SLC38A9: variants seen among roughly 807,000 people sequenced by gnomAD.
SLC38A9 encodes solute carrier family 38 member 9.
Under a neutral mutation model 62.3 loss-of-function variants are expected in SLC38A9, and 48 were observed. The observed-to-expected ratio is 0.77, with a 90% confidence interval of 0.61 to 0.98. The LOEUF (loss-of-function observed/expected upper bound fraction) is 0.98. SLC38A9 is among the 50% of genes least tolerant of loss of function. The pLI is 0.00. For missense variants in SLC38A9, 541 were observed against 679.8 expected, an observed-to-expected ratio of 0.80 and a Z score of 2.27; for synonymous variants, 204 against 227.7, an observed-to-expected ratio of 0.90 and a Z score of 0.94.
intron 11 of SLC38A9, among the ~76,000 whole-genome samples, chr5:55,648,109 C>A (rs11744393): frequency 6.6e-6 from 1 of 151,606 alleles, no homozygotes; most frequent in South Asian, 2.1e-4. Flanking sequence ...CATGGTGGTG[C>A]GTGCCTGTAA....
At chr5:55,664,042 C>T (rs1250208583) in intron 8 of SLC38A9, among the ~76,000 whole-genome samples, 2 of 151,612 alleles carry the variant, frequency 1.3e-5, no homozygotes, top group Non-Finnish European at 1.5e-5. Flanking sequence ...GGTACAGTGG[C>T]GTGAGTCTGT....
At chr5:55,673,127 G>C (rs546010552) in intron 3 of SLC38A9, among the ~76,000 whole-genome samples, 1 of 152,090 alleles carries the variant, frequency 6.6e-6, no homozygotes. Flanking sequence ...CTTCCTTATG[G>C]GCCCAAGTTA....
chr5:55,694,726 G>A (rs1336643775), intron 3 of SLC38A9, among the ~76,000 whole-genome samples: 2 of 25,074 alleles, frequency 8.0e-5, no homozygotes, highest in Admixed American at 4.0e-4. Context: ...CCTCCCCTCC[G>A]CTCCCCACCC....
chr5:55,684,906 G>A (rs1237326022), intron 3 of SLC38A9, among the ~76,000 whole-genome samples: 2 of 152,022 alleles, frequency 1.3e-5, no homozygotes, highest in Non-Finnish European at 1.5e-5. Flanking sequence ...CACCTGCCTT[G>A]GCCTTCCAAG....
chr5:55,646,256 C>T (rs6450332), intron 11 of SLC38A9, among the ~76,000 whole-genome samples: 13 of 151,884 alleles, frequency 8.6e-5, no homozygotes, highest in Admixed American at 7.2e-4. Context: ...CTGTAATCCC[C>T]GCTACTTGGG....
At chr5:55,681,422 A>G (rs1752984447) in intron 3 of SLC38A9, among the ~76,000 whole-genome samples, 1 of 152,142 alleles carries the variant, frequency 6.6e-6, no homozygotes, top group South Asian at 2.1e-4. Flanking sequence ...TTATCATACC[A>G]CTTTTTACTA....
chr5:55,691,706 C>T (rs893478058), intron 3 of SLC38A9, among the ~76,000 whole-genome samples: 1 of 152,172 alleles, frequency 6.6e-6, no homozygotes, highest in Non-Finnish European at 1.5e-5. Flanking sequence ...TGGAATGTAG[C>T]ACATATATCA....
chr5:55,665,131 G>C (rs1750248229), intron 7 of SLC38A9: 2 of 190,524 alleles, frequency 1.0e-5, no homozygotes, highest in African/African-American at 4.7e-5. Context: ...ACTAAGGTTA[G>C]ACAAATGCAT....
intron 4 of SLC38A9, 99 bp downstream of exon 4, chr5:55,672,464 G>T: frequency 7.3e-7 from 1 of 1,364,770 alleles, no homozygotes; most frequent in Non-Finnish European, 1.0e-6. Flanking sequence ...TTGAAATACA[G>T]TCAGAAAGAA....
intron 6 of SLC38A9, 50 bp from the exon 7 acceptor site, chr5:55,669,371 A>C (rs1750932983): frequency 6.8e-7 from 1 of 1,477,554 alleles, no homozygotes; most frequent in South Asian, 1.2e-5. Flanking sequence ...TGTAAGCATA[A>C]ATTCATATGC....
chr5:55,635,676 A>G lies in SLC38A9; in HGVS notation c.1168-19T>C. Reference sequence around the variant, plus strand: ...CCCTCACCTGTAAATACAGAACAAAAGTCCCATAATACTGAAGAACCTTGT... The same window carrying G: ...CCCTCACCTGTAAATACAGAACAAAGGTCCCATAATACTGAAGAACCTTGT... On this transcript the variant is annotated intron_variant, in intron 12 of 15. Transcript: ENST00000396865. The G allele has an allele frequency of 6.5e-7, 1 of 1,532,036 alleles. No individual in the cohort carries two copies. The highest frequency in any genetic ancestry group is 2.3e-5 in the East Asian group (1 of 44,416). The allele number at this position is 1,532,036 out of a possible 1,614,324, so 94.9% of individuals were successfully genotyped here. A position where few individuals can be genotyped will look rare whatever the true frequency, so the allele number is the denominator to read the frequency against.
intron 12 of SLC38A9, among the ~76,000 whole-genome samples, chr5:55,638,339 C>T (rs528433386): frequency 8.6e-5 from 13 of 152,044 alleles, no homozygotes; most frequent in African/African-American, 3.1e-4. Context: ...TTTAATGGAA[C>T]AGGATAGAAA....
chr5:55,693,643 C>A (rs1163088669), intron 3 of SLC38A9, among the ~76,000 whole-genome samples: 1 of 152,166 alleles, frequency 6.6e-6, no homozygotes, highest in Non-Finnish European at 1.5e-5. Flanking sequence ...TCTTCAGAGT[C>A]TTCCCAATGA....
At chr5:55,671,886 G>A (rs1164586999) in intron 4 of SLC38A9, among the ~76,000 whole-genome samples, 1 of 152,084 alleles carries the variant, frequency 6.6e-6, no homozygotes, top group African/African-American at 2.4e-5. Flanking sequence ...TGCTCAGTCT[G>A]GGTGGGATGC....
Position 55,645,959 on chromosome 5 carries a change from A to G in SLC38A9, c.1061-64T>C, listed in dbSNP as rs889345133. The G allele has an allele frequency of 5.1e-6, 5 of 988,686 alleles. No individual in the cohort carries two copies. In the African/African-American group the frequency reaches 8.2e-5, roughly 16 times the overall value. 61.2% of individuals were successfully genotyped at this position (988,686 alleles called of 1,614,324 possible). ...ATTAGAAAATGAGTATTGGTAGCCA[A>G]AAGTTGACTACTAAAAATCAGTTGT... On this transcript the variant is annotated intron_variant, in intron 11 of 15. Coordinates refer to ENST00000396865, the MANE Select transcript of SLC38A9 (RefSeq NM_173514.4).
chr5:55,630,205 G>A (rs1009095967), intron 14 of SLC38A9, among the ~76,000 whole-genome samples: 1 of 151,092 alleles, frequency 6.6e-6, no homozygotes, highest in Non-Finnish European at 1.5e-5. Flanking sequence ...AAATCTAAAC[G>A]AAAACAGGAT....
chr5:55,688,615 C>T (rs1029737200), intron 3 of SLC38A9, among the ~76,000 whole-genome samples: 3 of 151,950 alleles, frequency 2.0e-5, no homozygotes, highest in Non-Finnish European at 4.4e-5. Flanking sequence ...CTCCTGACCT[C>T]GTGATCCGCC....
At chr5:55,660,801 G>A (rs1293484595) in intron 8 of SLC38A9, among the ~76,000 whole-genome samples, 1 of 151,996 alleles carries the variant, frequency 6.6e-6, no homozygotes, top group Non-Finnish European at 1.5e-5. Flanking sequence ...AATTTCATGG[G>A]GGGGGTGATC....
chr5:55,676,320 C>T (rs943069189), intron 3 of SLC38A9, among the ~76,000 whole-genome samples: 5 of 151,998 alleles, frequency 3.3e-5, no homozygotes, highest in African/African-American at 7.2e-5. Flanking sequence ...GGACCACAGG[C>T]GTACACCACC....
Sources: allele counts gnomAD v4.1 joint callset (sites outside exome capture counted in the v4.1 genomes callset), GRCh38; gene constraint gnomAD v4.1.1; transcripts MANE v1.5; gene names NCBI Gene and HGNC (gene_info 2026-07-23, HGNC 2026-07-21).